Variants in TAF4 observed in about 807,000 individuals in gnomAD.
TAF4 encodes the protein TATA-box binding protein associated factor 4.
A neutral mutation model predicts 90.3 loss-of-function variants in TAF4; 9 were observed. That is an observed-to-expected ratio of 0.10 (90% confidence interval 0.06 to 0.17). The LOEUF (loss-of-function observed/expected upper bound fraction) is 0.17. Ranked by LOEUF, TAF4 falls within the 10% of genes least tolerant of loss-of-function variation. TAF4 has a pLI of 1.00. For synonymous variants in TAF4, 818 were observed against 638.9 expected, an observed-to-expected ratio of 1.28 and a Z score of -4.23; for missense variants, 1,351 against 1,370.7, an observed-to-expected ratio of 0.99 and a Z score of 0.23.
At chr20:61,979,507 G>A (rs2123089555) in intron 14 of TAF4, among the ~76,000 whole-genome samples, 1 of 146,860 alleles carries the variant, frequency 6.8e-6, no homozygotes, top group South Asian at 2.2e-4. Context: ...CAGGCGCCAT[G>A]GCCACTCCAG....
At position 62,000,622 on chromosome 20, in the gene TAF4, C is replaced by T. The variant is rs750715265; in HGVS notation, c.2586G>A (p.Thr862=). Residue 862 remains threonine (T), a synonymous_variant, in exon 10 of 15, where the codon ACG becomes ACA. Transcript: ENST00000252996. Reference sequence around the variant, plus strand: ...TTTCATCTTTACAGGACCGCGTTAGCGTGCCCACCAATTCAGAGTTCGTGG... The same window carrying T: ...TTTCATCTTTACAGGACCGCGTTAGTGTGCCCACCAATTCAGAGTTCGTGG... ...ILATNSELVG[T]LTRSCKDETF... is the part of the protein sequence containing the mutation. 15 of 1,614,156 alleles carry T rather than the reference C, an allele frequency of 9.3e-6. No individual in the cohort carries two copies. The East Asian group carries it at 2.2e-4, about 24-fold the overall frequency.
intron 1 of TAF4, among the ~76,000 whole-genome samples, chr20:62,041,809 G>T (rs1336769943): frequency 6.6e-6 from 1 of 151,494 alleles, no homozygotes; most frequent in Non-Finnish European, 1.5e-5. Context: ...CACAGTGGCT[G>T]TAGTTGCAGC....
intron 1 of TAF4, among the ~76,000 whole-genome samples, chr20:62,025,426 A>C (rs1310583119): frequency 6.6e-6 from 1 of 152,224 alleles, no homozygotes. Context: ...AGTACACACC[A>C]TGTGATATGG....
chr20:61,993,248 G>A (rs1184628502), intron 14 of TAF4, among the ~76,000 whole-genome samples: 1 of 152,234 alleles, frequency 6.6e-6, no homozygotes, highest in East Asian at 1.9e-4. Context: ...GGGGCGCACA[G>A]CCCAGACCCG....
chr20:62,062,373 G>A (rs6061999), intron 1 of TAF4, among the ~76,000 whole-genome samples: 80,391 of 151,776 alleles, frequency 0.53, 21,746 homozygotes, highest in Middle Eastern at 0.68. Flanking sequence ...AGGTACTCTG[G>A]TTTGGGATAC....
Position 62,065,367 on chromosome 20 carries a change from C to CGCG in TAF4, c.441_443dup (p.Ala148dup). 25 of 966,208 alleles carry CGCG rather than the reference C, an allele frequency of 2.6e-5. No homozygotes were observed. The highest frequency in any genetic ancestry group is 3.0e-5 in the Non-Finnish European group (25 of 821,026). The allele number at this position is 966,208 out of a possible 1,614,324, so 59.9% of individuals were successfully genotyped here. On this transcript the variant is annotated inframe_insertion, in exon 1 of 15. Coordinates refer to ENST00000252996, the MANE Select transcript of TAF4 (RefSeq NM_003185.4). ...GGCCGGCGGGGGCGGGCTCGGGCCCCGCGGCGACGGCGGCGGCGGCGGGCA... is the reference window on the plus strand; with the variant it reads ...GGCCGGCGGGGGCGGGCTCGGGCCCCGCGGCGGCGACGGCGGCGGCGGCGGGCA...
At position 61,976,344 on chromosome 20, in the gene TAF4, G is replaced by A. The variant is rs377312375; in HGVS notation, c.3091-9C>T. 66 of 1,612,374 alleles carry A rather than the reference G, an allele frequency of 4.1e-5. No homozygotes were observed. The highest frequency in any genetic ancestry group is 4.8e-5 in the Non-Finnish European group (57 of 1,179,906). On this transcript the variant is annotated splice_polypyrimidine_tract_variant and intron_variant, in intron 14 of 14. Transcript: ENST00000252996. ...GAGCCGGGGCCCGACCCCTGGTGATGAAAAAGGAGAAGACAGTGTGTTAGT... is the reference window on the plus strand; with the variant it reads ...GAGCCGGGGCCCGACCCCTGGTGATAAAAAAGGAGAAGACAGTGTGTTAGT...
chr20:61,991,420 T>C (rs376742062), intron 14 of TAF4, among the ~76,000 whole-genome samples: 46 of 150,514 alleles, frequency 3.1e-4, no homozygotes, highest in African/African-American at 8.8e-4. Flanking sequence ...GGAGACTCTG[T>C]CTCAAAAAAT....
chr20:62,031,051 G>A (rs982806719), intron 1 of TAF4, among the ~76,000 whole-genome samples: 3 of 152,220 alleles, frequency 2.0e-5, no homozygotes, highest in Non-Finnish European at 4.4e-5. Flanking sequence ...CACGGCTTTA[G>A]GTGAAAGGCT....
chr20:61,984,202 C>CA (rs1433678506), intron 14 of TAF4, among the ~76,000 whole-genome samples: 2 of 152,188 alleles, frequency 1.3e-5, no homozygotes, highest in Non-Finnish European at 2.9e-5. Flanking sequence ...CAGCCCTACG[C>CA]ACCCACAGCA....
intron 5 of TAF4, among the ~76,000 whole-genome samples, chr20:62,008,528 C>T (rs1291324385): frequency 1.5e-5 from 2 of 129,244 alleles, no homozygotes; most frequent in African/African-American, 3.0e-5. Flanking sequence ...CTGTTCTCTG[C>T]GACAGAGGTT....
intron 14 of TAF4, among the ~76,000 whole-genome samples, chr20:61,988,674 C>A (rs2055611449): frequency 6.6e-6 from 1 of 152,178 alleles, no homozygotes; most frequent in Non-Finnish European, 1.5e-5. Flanking sequence ...ACAGATAACA[C>A]ACAAAGATCC....
chr20:61,999,646 C>A (rs935631644), intron 11 of TAF4, among the ~76,000 whole-genome samples: 1 of 152,140 alleles, frequency 6.6e-6, no homozygotes, highest in African/African-American at 2.4e-5. Context: ...GAGGCAGGTG[C>A]CTTCCAAAAG....
At chr20:61,994,141 C>T (rs2055648882) in intron 14 of TAF4, among the ~76,000 whole-genome samples, 1 of 152,016 alleles carries the variant, frequency 6.6e-6, no homozygotes, top group Admixed American at 6.5e-5. Context: ...TCTTTCACCT[C>T]CCCCACAAAA....
At position 62,021,115 on chromosome 20, in the gene TAF4, C is replaced by T. The variant is rs1414762981; in HGVS notation, c.1361-6408G>A. ...GAAGAGATGGCCAGCACCTTCGAAA[C>T]CCCCCGGGAAATTACCTTCCACCTG... is the stretch of plus-strand genomic sequence containing the variant. On this transcript the variant is annotated intron_variant, in intron 1 of 14. Coordinates refer to ENST00000252996, the MANE Select transcript of TAF4 (RefSeq NM_003185.4). 3.9e-5 allele frequency among the ~76,000 whole-genome samples: 6 copies of T among 152,254 alleles called. 1 individual carries two copies. In the South Asian group the frequency reaches 8.3e-4, roughly 21 times the overall value.
Position 61,995,795 on chromosome 20 carries a change from G to A in TAF4, c.3090+1755C>T, listed in dbSNP as rs1211190778. Among the ~76,000 whole-genome samples the A allele has an allele frequency of 1.0e-4, 2 of 19,220 alleles. 1 individual carries two copies. Among genetic ancestry groups the A allele is most frequent in the African/African-American group, 7.0e-4 (2 of 2,876 alleles). The allele number at this position is 19,220 out of a possible 152,430, so 12.6% of individuals were successfully genotyped here. ...GGAGAATGGCGTGAACCCGGGAAGC[G>A]GAGCTTGCAGTGAGCCGAGATTGCG... On this transcript the variant is annotated intron_variant, in intron 14 of 14. Coordinates refer to ENST00000252996, the MANE Select transcript of TAF4 (RefSeq NM_003185.4).
chr20:62,053,531 G>A (rs551545077), intron 1 of TAF4, among the ~76,000 whole-genome samples: 8 of 152,222 alleles, frequency 5.3e-5, no homozygotes, highest in African/African-American at 1.2e-4. Context: ...CACGAGCGAC[G>A]TTTATGCTGA....
intron 1 of TAF4, among the ~76,000 whole-genome samples, chr20:62,018,387 T>C (rs1242345312): frequency 1.3e-5 from 2 of 152,190 alleles, no homozygotes; most frequent in Non-Finnish European, 2.9e-5. Context: ...GGACAAATAA[T>C]CCAGCAGCAT....
At chr20:62,030,234 A>T (rs1362159274) in intron 1 of TAF4, among the ~76,000 whole-genome samples, 3 of 152,250 alleles carry the variant, frequency 2.0e-5, no homozygotes, top group Non-Finnish European at 4.4e-5. Context: ...GGACACCTGC[A>T]TCTCCACAGT....
Sources: allele counts gnomAD v4.1 joint callset (sites outside exome capture counted in the v4.1 genomes callset), GRCh38; gene constraint gnomAD v4.1.1; transcripts MANE v1.5; gene names NCBI Gene and HGNC (gene_info 2026-07-23, HGNC 2026-07-21).